AGAP1: variants seen among roughly 807,000 people sequenced by gnomAD.
AGAP1 encodes ArfGAP with GTPase domain, ankyrin repeat and PH domain 1.
In AGAP1, 29 loss-of-function variants were observed where a neutral mutation model predicts 105.3. The observed-to-expected ratio is 0.28, with a 90% CI of 0.21 to 0.38. The LOEUF (loss-of-function observed/expected upper bound fraction) is 0.38, where lower values mean the gene tolerates loss of function less well. Among genes scored for constraint, AGAP1 ranks in the 10% least tolerant of loss-of-function variants. The pLI, the probability that AGAP1 is intolerant of heterozygous loss-of-function variation, is 1.00. For missense variants in AGAP1, 998 were observed against 1,165.1 expected, an observed-to-expected ratio of 0.86 and a Z score of 2.09; for synonymous variants, 509 against 485.9, an observed-to-expected ratio of 1.05 and a Z score of -0.63.
intron 9 of AGAP1, among the ~76,000 whole-genome samples, chr2:235,860,621 C>T (rs1371931666): frequency 3.9e-5 from 6 of 152,188 alleles, no homozygotes; most frequent in Non-Finnish European, 8.8e-5. Flanking sequence ...CAATTAAAGA[C>T]AGTACAATGT....
rs1950481766 is a variant in AGAP1 at position 235,705,203 on chromosome 2, TC to T, written c.164-3974del. ...CATGTTGGCCAGGCTGGTCTTGAAC[TC>T]CTGACCTCAGGTGATCTGCGCGCCT... On this transcript the variant is annotated intron_variant, in intron 1 of 17. Transcript: ENST00000304032. This position sits in a 1 kb window ranked among gnomAD's most constrained non-coding sequence, Gnocchi z 4.9. Among the ~76,000 whole-genome samples, 1 of 152,098 alleles carries T rather than the reference TC, an allele frequency of 6.6e-6. No homozygotes were observed. The highest frequency in any genetic ancestry group is 1.5e-5 in the Non-Finnish European group (1 of 68,008).
intron 1 of AGAP1, among the ~76,000 whole-genome samples, chr2:235,697,238 A>G (rs1039572903): frequency 2.0e-5 from 3 of 152,194 alleles, no homozygotes; most frequent in Non-Finnish European, 4.4e-5. Flanking sequence ...TAAGGCCCCA[A>G]GAGGCTAAGT....
At chr2:235,761,635 T>G (rs1344633291) in intron 6 of AGAP1, among the ~76,000 whole-genome samples, 15 of 152,206 alleles carry the variant, frequency 9.9e-5, no homozygotes, top group Middle Eastern at 3.2e-3. Context: ...CTGCTCTTTC[T>G]AATGTTTTTA....
chr2:235,855,813 GC>G lies in AGAP1; in HGVS notation c.1051-27530del, dbSNP rs1186920044. Among the ~76,000 whole-genome samples the G allele has an allele frequency of 2.6e-5, 4 of 152,204 alleles. No homozygotes were observed. Among genetic ancestry groups the G allele is most frequent in the African/African-American group, 9.7e-5 (4 of 41,438 alleles). On this transcript the variant is annotated intron_variant, in intron 9 of 17. Transcript: ENST00000304032. The surrounding 1 kb of genome is among the most constrained non-coding windows in gnomAD (Gnocchi z 5.0). Reference sequence around the variant, plus strand: ...TTGAGGCTCATGCCTTAGAGGAAATGCCTTGTTTACCCTATGAGGTCTCTAG... The same window carrying G: ...TTGAGGCTCATGCCTTAGAGGAAATGCTTGTTTACCCTATGAGGTCTCTAG...
chr2:235,930,059 G>A lies in AGAP1; in HGVS notation c.1325-706G>A, dbSNP rs1243750548. 6.6e-6 allele frequency among the ~76,000 whole-genome samples: 1 copy of A among 152,208 alleles called. No individual in the cohort carries two copies. Among genetic ancestry groups the A allele is most frequent in the Non-Finnish European group, 1.5e-5 (1 of 68,048 alleles). ...GAAAGGCACTTAATTATGTTTTTGA[G>A]TCTAAAATTGGTATGACCAGATAAT... On this transcript the variant is annotated intron_variant, in intron 11 of 17. Coordinates refer to ENST00000304032, the MANE Select transcript of AGAP1 (RefSeq NM_001037131.3). This position sits in a 1 kb window ranked among gnomAD's most constrained non-coding sequence, Gnocchi z 7.9.
At position 235,506,688 on chromosome 2, in the gene AGAP1, C is replaced by T. The variant is rs533022051; in HGVS notation, c.163+11839C>T. Among the ~76,000 whole-genome samples the T allele has an allele frequency of 2.6e-5, 4 of 152,174 alleles. No homozygotes were observed. In the South Asian group the frequency reaches 6.2e-4, roughly 24 times the overall value. On this transcript the variant is annotated intron_variant, in intron 1 of 17. Coordinates refer to ENST00000304032, the MANE Select transcript of AGAP1 (RefSeq NM_001037131.3). Reference sequence around the variant, plus strand: ...TTCTTGGTTAGGAGCCACCGGAAGCCGGGTCTGTATGGGCAGGGCCAGTGA... The same window carrying T: ...TTCTTGGTTAGGAGCCACCGGAAGCTGGGTCTGTATGGGCAGGGCCAGTGA...
chr2:235,758,420 C>T (rs190028017), intron 6 of AGAP1, among the ~76,000 whole-genome samples: 1 of 152,256 alleles, frequency 6.6e-6, no homozygotes, highest in Non-Finnish European at 1.5e-5. Flanking sequence ...CCCAGAGGTA[C>T]ATGGTGCAGC....
chr2:235,708,964 A>G (rs1349010298), intron 1 of AGAP1, among the ~76,000 whole-genome samples: 2 of 152,204 alleles, frequency 1.3e-5, no homozygotes, highest in Non-Finnish European at 2.9e-5. Flanking sequence ...AGCATGTGTT[A>G]CCGACCACAG....
rs555443193 is a variant in AGAP1, at chr2:235,630,937, T to G, written c.164-78242T>G. On this transcript the variant is annotated intron_variant, in intron 1 of 17. Coordinates refer to ENST00000304032, the MANE Select transcript of AGAP1 (RefSeq NM_001037131.3). ...CGAGTGACAGCCAGCCGCAGCCCGA[T>G]CAAAACAAAGAGCCGCTGCACGAGA... Among the ~76,000 whole-genome samples, 4 of 152,214 alleles carry G rather than the reference T, an allele frequency of 2.6e-5. No individual in the cohort carries two copies. In the South Asian group the frequency reaches 8.3e-4, roughly 32 times the overall value.
At chr2:235,773,005 C>T (rs185167113) in intron 6 of AGAP1, among the ~76,000 whole-genome samples, 3 of 152,266 alleles carry the variant, frequency 2.0e-5, no homozygotes, top group Admixed American at 1.3e-4. Flanking sequence ...TACTATTGTT[C>T]CTGGTGGAGG....
At chr2:236,085,215 C>CAAAA (rs144353985) in intron 16 of AGAP1, among the ~76,000 whole-genome samples, 4 of 58,372 alleles carry the variant, frequency 6.9e-5, no homozygotes, top group Admixed American at 3.7e-4. Context: ...GACTCCGTCT[C>CAAAA]AAAAAAAAAA....
At chr2:236,052,885 A>G (rs142559643) in intron 16 of AGAP1, among the ~76,000 whole-genome samples, 7 of 152,304 alleles carry the variant, frequency 4.6e-5, no homozygotes, top group African/African-American at 9.6e-5. Flanking sequence ...TCTAATTGCT[A>G]TTGATACCAT....
At chr2:236,107,355 A>T (rs141853916) in intron 16 of AGAP1, among the ~76,000 whole-genome samples, 1 of 152,138 alleles carries the variant, frequency 6.6e-6, no homozygotes, top group Non-Finnish European at 1.5e-5. Flanking sequence ...GACTGGGTTC[A>T]CTAGCTAGCC....
chr2:235,752,994 G>A lies in AGAP1; in HGVS notation c.673+2506G>A, dbSNP rs189309830. 3.4e-3 allele frequency among the ~76,000 whole-genome samples: 516 copies of A among 152,278 alleles called. 2 individuals carry two copies. Among genetic ancestry groups the A allele is most frequent in the Middle Eastern group, 6.8e-3 (2 of 294 alleles). On this transcript the variant is annotated intron_variant, in intron 6 of 17. Transcript: ENST00000304032. The surrounding 1 kb of genome is among the most constrained non-coding windows in gnomAD (Gnocchi z 4.3). The stretch of plus-strand genomic sequence containing the variant: ...ATGTGTTTGCATAGTGGAGAACAGA[G>A]GACACAAGCCCTCGCCAGTCCCTTC...
At chr2:235,924,267 A>C (rs2052337153) in intron 11 of AGAP1, among the ~76,000 whole-genome samples, 1 of 152,174 alleles carries the variant, frequency 6.6e-6, no homozygotes, top group African/African-American at 2.4e-5. Context: ...TAAAAGCTGC[A>C]GTGTCCCCTG....
Position 236,101,960 on chromosome 2 carries a change from C to G in AGAP1, c.2115-18232C>G, listed in dbSNP as rs2125907549. On this transcript the variant is annotated intron_variant, in intron 16 of 17. Coordinates refer to ENST00000304032, the MANE Select transcript of AGAP1 (RefSeq NM_001037131.3). The surrounding 1 kb of genome is among the most constrained non-coding windows in gnomAD (Gnocchi z 4.9). ...TGCAAACATACTCACACACAGTTTCCAAATGAAGTCACAAACTTCCCTTAT... is the reference window on the plus strand; with the variant it reads ...TGCAAACATACTCACACACAGTTTCGAAATGAAGTCACAAACTTCCCTTAT... 6.6e-6 allele frequency among the ~76,000 whole-genome samples: 1 copy of G among 152,320 alleles called. No individual in the cohort carries two copies. Among genetic ancestry groups the G allele is most frequent in the African/African-American group, 2.4e-5 (1 of 41,588 alleles).
At chr2:235,523,896 A>G (rs867625931) in intron 1 of AGAP1, among the ~76,000 whole-genome samples, 5 of 148,750 alleles carry the variant, frequency 3.4e-5, no homozygotes, top group African/African-American at 1.3e-4. Flanking sequence ...TGACCAGGGT[A>G]TGGGATTGCA....
chr2:235,558,181 A>G (rs953168435), intron 1 of AGAP1, among the ~76,000 whole-genome samples: 2 of 152,026 alleles, frequency 1.3e-5, no homozygotes, highest in African/African-American at 4.8e-5. Context: ...TATGGGGATT[A>G]CTCGGTTCCG....
rs1272698643 is a variant in AGAP1 at position 235,620,616 on chromosome 2, CCCT to C, written c.164-88555_164-88553del. Among the ~76,000 whole-genome samples, 5 of 152,174 alleles carry C rather than the reference CCCT, an allele frequency of 3.3e-5. No individual in the cohort carries two copies. The highest frequency in any genetic ancestry group is 3.3e-4 in the Admixed American group (5 of 15,274). On this transcript the variant is annotated intron_variant, in intron 1 of 17. Transcript: ENST00000304032. This position sits in a 1 kb window ranked among gnomAD's most constrained non-coding sequence, Gnocchi z 4.5. ...ACCTGGCCTTCCTCCCAGCCACAGC[CCCT>C]CCTCCTCACCTCCTCACCTGCTTCC... is the stretch of plus-strand genomic sequence containing the variant.
Sources: gnomAD v4.1 joint callset for allele counts (sites outside exome capture counted in the v4.1 genomes callset) on GRCh38, gnomAD v4.1.1 for gene constraint, Gnocchi (gnomAD v3.1) non-coding constraint, MANE v1.5 for transcripts, NCBI Gene and HGNC (gene_info 2026-07-23, HGNC 2026-07-21) for gene names.